Variants in PRIMA1 observed in about 807,000 individuals in gnomAD.
PRIMA1 encodes the protein proline-rich membrane anchor 1.
In PRIMA1, 7 loss-of-function variants were observed where a neutral mutation model predicts 17.5. The ratio of observed to expected loss-of-function variants is 0.40; its 90% CI spans 0.23 to 0.75. The LOEUF (loss-of-function observed/expected upper bound fraction) is 0.75. Among genes scored for constraint, PRIMA1 ranks in the 30% least tolerant of loss-of-function variants. PRIMA1 has a pLI of 0.37. For synonymous variants in PRIMA1, 97 were observed against 77.9 expected, an observed-to-expected ratio of 1.25 and a Z score of -1.29; for missense variants, 200 against 201.8, an observed-to-expected ratio of 0.99 and a Z score of 0.05.
At chr14:93,758,594 C>CAAAAAAAA (rs34329291) in intron 3 of PRIMA1, among the ~76,000 whole-genome samples, 7 of 81,308 alleles carry the variant, frequency 8.6e-5, no homozygotes, top group African/African-American at 2.5e-4. Context: ...GCAAGACTCT[C>CAAAAAAAA]AAAAAAAAAA....
chr14:93,772,892 C>G (rs913962946), intron 3 of PRIMA1, among the ~76,000 whole-genome samples: 2 of 152,206 alleles, frequency 1.3e-5, no homozygotes, highest in Non-Finnish European at 2.9e-5. Flanking sequence ...GTGACGTACT[C>G]TCATTTCTAC....
chr14:93,722,665 G>A (rs934997417), intron 4 of PRIMA1, among the ~76,000 whole-genome samples: 17 of 151,982 alleles, frequency 1.1e-4, no homozygotes, highest in Admixed American at 7.9e-4. Context: ...TGGTGATAGC[G>A]GTAATGATGA....
chr14:93,725,212 G>T (rs537075132), intron 4 of PRIMA1, among the ~76,000 whole-genome samples: 40 of 149,746 alleles, frequency 2.7e-4, no homozygotes, highest in East Asian at 2.3e-3. Context: ...GCAGGTAAGG[G>T]GCTCGGCACC....
chr14:93,766,714 T>A (rs968989986), intron 3 of PRIMA1, among the ~76,000 whole-genome samples: 1 of 150,066 alleles, frequency 6.7e-6, no homozygotes, highest in Non-Finnish European at 1.5e-5. Flanking sequence ...AGTCCACTTA[T>A]ATCCCCACAC....
chr14:93,760,973 T>C (rs188924923), intron 3 of PRIMA1, among the ~76,000 whole-genome samples: 95 of 152,180 alleles, frequency 6.2e-4, no homozygotes, highest in African/African-American at 2.2e-3. Context: ...ATGCCAGTGA[T>C]TGTCTTAAGA....
chr14:93,719,316 A>G lies in PRIMA1; in HGVS notation c.*2128T>C, dbSNP rs2076022234. ...GCTAACTGCAAAATCCAGGCCTCCT[A>G]GGTTTAAGCCAAGGTAGGGAATGAT... On this transcript the variant is annotated 3_prime_UTR_variant, in exon 5 of 5. Transcript: ENST00000393140. 1 of 152,174 alleles carries G rather than the reference A, an allele frequency of 6.6e-6. No homozygotes were observed. The highest frequency in any genetic ancestry group is 2.4e-5 in the African/African-American group (1 of 41,450). The allele number at this position is 152,174 out of a possible 1,614,324, so 9.4% of individuals were successfully genotyped here. A position where few individuals can be genotyped will look rare whatever the true frequency, so the allele number is the denominator to read the frequency against.
At chr14:93,786,634 C>T (rs547968581) in intron 2 of PRIMA1, among the ~76,000 whole-genome samples, 21 of 152,218 alleles carry the variant, frequency 1.4e-4, no homozygotes, top group African/African-American at 4.8e-4. Context: ...ACAAATACCC[C>T]AGAGTGGATC....
At position 93,765,163 on chromosome 14, in the gene PRIMA1, C is replaced by T. The variant is rs146233494; in HGVS notation, c.229+14013G>A. Reference sequence around the variant, plus strand: ...CATCTGTTCCTGGAGAAACCAAAACCGAGACATGGCCCCACATGCTCCCAG... The same window carrying T: ...CATCTGTTCCTGGAGAAACCAAAACTGAGACATGGCCCCACATGCTCCCAG... On this transcript the variant is annotated intron_variant, in intron 3 of 4. Transcript: ENST00000393140. Among the ~76,000 whole-genome samples the T allele has an allele frequency of 1.7e-3, 251 of 152,100 alleles. 1 individual carries two copies. Among genetic ancestry groups the T allele is most frequent in the African/African-American group, 5.5e-3 (230 of 41,474 alleles).
intron 3 of PRIMA1, among the ~76,000 whole-genome samples, chr14:93,763,816 T>C (rs1884806131): frequency 6.6e-6 from 1 of 152,064 alleles, no homozygotes; most frequent in South Asian, 2.1e-4. Flanking sequence ...CTCTCCCCAG[T>C]GATCTCTGAT....
At chr14:93,778,912 T>G (rs1885300226) in intron 3 of PRIMA1, among the ~76,000 whole-genome samples, 1 of 151,950 alleles carries the variant, frequency 6.6e-6, no homozygotes, top group African/African-American at 2.4e-5. Context: ...CCTTCGGAAC[T>G]ATCCAGGCCA....
rs188249893 is a variant in PRIMA1, at chr14:93,786,233, T to C, written c.93+1393A>G. Among the ~76,000 whole-genome samples, 529 of 152,338 alleles carry C rather than the reference T, an allele frequency of 3.5e-3. 2 individuals are homozygous for C. The highest frequency in any genetic ancestry group is 5.3e-3 in the Non-Finnish European group (359 of 68,030). ...CCCAAGCCACTAAAGTGTTTAGAAGTGACAAAATCATGTTTCCTGAGGAGG... is the reference window on the plus strand; with the variant it reads ...CCCAAGCCACTAAAGTGTTTAGAAGCGACAAAATCATGTTTCCTGAGGAGG... On this transcript the variant is annotated intron_variant, in intron 2 of 4. Transcript: ENST00000393140.
At chr14:93,738,932 C>G (rs938371658) in intron 3 of PRIMA1, among the ~76,000 whole-genome samples, 1 of 152,084 alleles carries the variant, frequency 6.6e-6, no homozygotes, top group African/African-American at 2.4e-5. Context: ...TTTTTTTGTT[C>G]CTTTATTTAG....
At chr14:93,747,749 G>A (rs1280145257) in intron 3 of PRIMA1, among the ~76,000 whole-genome samples, 1 of 150,996 alleles carries the variant, frequency 6.6e-6, no homozygotes, top group Non-Finnish European at 1.5e-5. Flanking sequence ...TGGGAAGTGT[G>A]TGGAGTGCAA....
At chr14:93,786,703 A>G (rs1885534692) in intron 2 of PRIMA1, among the ~76,000 whole-genome samples, 1 of 152,050 alleles carries the variant, frequency 6.6e-6, no homozygotes, top group South Asian at 2.1e-4. Flanking sequence ...TGTCAAACAG[A>G]CCACGCAGTG....
At chr14:93,748,388 A>T (rs1377673807) in intron 3 of PRIMA1, among the ~76,000 whole-genome samples, 1 of 152,154 alleles carries the variant, frequency 6.6e-6, no homozygotes, top group Admixed American at 6.5e-5. Context: ...AACGGCCAGG[A>T]GAGACGCTTT....
At chr14:93,744,335 T>C (rs896515966) in intron 3 of PRIMA1, among the ~76,000 whole-genome samples, 1 of 152,170 alleles carries the variant, frequency 6.6e-6, no homozygotes, top group Non-Finnish European at 1.5e-5. Flanking sequence ...CCGGGTCCCA[T>C]TGTCTCAGGG....
chr14:93,775,362 T>A (rs533779440), intron 3 of PRIMA1, among the ~76,000 whole-genome samples: 78 of 152,322 alleles, frequency 5.1e-4, no homozygotes, highest in Non-Finnish European at 9.1e-4. Context: ...ATGCCCCACA[T>A]TTGGAGCTCA....
chr14:93,740,922 A>G (rs1161016691), intron 3 of PRIMA1, among the ~76,000 whole-genome samples: 3 of 152,210 alleles, frequency 2.0e-5, no homozygotes, highest in African/African-American at 7.2e-5. Context: ...TCTCTTCTTT[A>G]CATTCTCTGT....
At chr14:93,739,044 T>C (rs1344218596) in intron 3 of PRIMA1, among the ~76,000 whole-genome samples, 2 of 152,196 alleles carry the variant, frequency 1.3e-5, no homozygotes, top group Non-Finnish European at 1.5e-5. Context: ...CAATTTGTTG[T>C]TGTTTTTTCT....
Sources: gnomAD v4.1 joint callset for allele counts (sites outside exome capture counted in the v4.1 genomes callset) on GRCh38, gnomAD v4.1.1 for gene constraint, MANE v1.5 for transcripts, NCBI Gene and HGNC (gene_info 2026-07-23, HGNC 2026-07-21) for gene names.